Variants in EFNA5 observed in about 807,000 individuals in gnomAD.
EFNA5 encodes the protein ephrin A5, also known as ephrin-A5.
Under a neutral mutation model 22.9 loss-of-function variants are expected in EFNA5, and 5 were observed. The observed-to-expected ratio is 0.22, with a 90% CI of 0.11 to 0.46. EFNA5 has a LOEUF of 0.46. EFNA5 is among the 20% of genes least tolerant of loss of function. EFNA5 has a pLI of 0.99. For synonymous variants in EFNA5, 113 were observed against 112.2 expected (o/e 1.01, Z -0.04); for missense variants, 237 against 293.3 (o/e 0.81, Z 1.40).
intron 1 of EFNA5, among the ~76,000 whole-genome samples, chr5:107,630,840 T>G (rs569211888): frequency 6.6e-6 from 1 of 152,218 alleles, no homozygotes; most frequent in South Asian, 2.1e-4. Flanking sequence ...TCTATCAGCT[T>G]TTTCATGAAA....
intron 1 of EFNA5, among the ~76,000 whole-genome samples, chr5:107,643,531 T>C (rs1750568528): frequency 1.3e-5 from 2 of 152,150 alleles, no homozygotes; most frequent in African/African-American, 4.8e-5. Flanking sequence ...AAGGGTCCCA[T>C]GGTCCCAGCC....
chr5:107,437,290 A>C (rs1749138233), intron 1 of EFNA5, among the ~76,000 whole-genome samples: 1 of 152,236 alleles, frequency 6.6e-6, no homozygotes. Flanking sequence ...GTTTTCATAC[A>C]AAACTGTAGA....
intron 2 of EFNA5, among the ~76,000 whole-genome samples, chr5:107,415,575 A>G (rs1390918064): frequency 6.6e-6 from 1 of 152,062 alleles, no homozygotes. Context: ...GGGCTCCCTG[A>G]CTCCGGTAAT....
At chr5:107,394,816 G>A (rs1417142646) in intron 2 of EFNA5, among the ~76,000 whole-genome samples, 2 of 152,076 alleles carry the variant, frequency 1.3e-5, no homozygotes, top group Admixed American at 6.6e-5. Flanking sequence ...TACTCCAATA[G>A]CACACTAACA....
chr5:107,521,421 T>C (rs1747592971), intron 1 of EFNA5, among the ~76,000 whole-genome samples: 1 of 150,780 alleles, frequency 6.6e-6, no homozygotes, highest in Non-Finnish European at 1.5e-5. Flanking sequence ...GCCTCCTTAG[T>C]AGCTGGGACC....
chr5:107,578,698 C>T (rs530976419), intron 1 of EFNA5, among the ~76,000 whole-genome samples: 2 of 152,280 alleles, frequency 1.3e-5, no homozygotes, highest in African/African-American at 4.8e-5. Flanking sequence ...GACTTTTGTT[C>T]TCCCCAAACA....
intron 1 of EFNA5, among the ~76,000 whole-genome samples, chr5:107,441,416 G>A (rs778977691): frequency 6.6e-6 from 1 of 152,164 alleles, no homozygotes; most frequent in Non-Finnish European, 1.5e-5. Flanking sequence ...GAAGGATAGC[G>A]TCCTATCTGC....
chr5:107,388,095 C>T (rs995515105), intron 2 of EFNA5, among the ~76,000 whole-genome samples: 1 of 152,142 alleles, frequency 6.6e-6, no homozygotes, highest in African/African-American at 2.4e-5. Flanking sequence ...TTCTCTAAAT[C>T]GAGAGGATAA....
Position 107,399,318 on chromosome 5 carries a change from C to CAGAAAGGAAAGGAAAGGAAA in EFNA5, c.419-11548_419-11547insTTTCCTTTCCTTTCCTTTCT, listed in dbSNP as rs1402282845. The stretch of plus-strand genomic sequence containing the variant: ...AGAAGGAAGGAAGGAAGGAAGGAAA[C>CAGAAAGGAAAGGAAAGGAAA]GGAAAGGAAAGGAAAGGAAAGGAAA... On this transcript the variant is annotated intron_variant, in intron 2 of 4. Transcript: ENST00000333274. Among the ~76,000 whole-genome samples the CAGAAAGGAAAGGAAAGGAAA allele has an allele frequency of 6.0e-4, 57 of 94,640 alleles. 1 individual carries two copies. Among genetic ancestry groups the CAGAAAGGAAAGGAAAGGAAA allele is most frequent in the African/African-American group, 2.5e-3 (54 of 22,016 alleles). 62.1% of individuals were successfully genotyped at this position (94,640 alleles called of 152,430 possible). A position where few individuals can be genotyped will look rare whatever the true frequency, so the allele number is the denominator to read the frequency against.
intron 1 of EFNA5, among the ~76,000 whole-genome samples, chr5:107,465,232 C>A (rs544639098): frequency 6.6e-6 from 1 of 152,128 alleles, no homozygotes; most frequent in African/African-American, 2.4e-5. Context: ...CAAGGCCCTG[C>A]GAAGGCCGTC....
intron 2 of EFNA5, among the ~76,000 whole-genome samples, chr5:107,420,916 T>C (rs1334536459): frequency 6.6e-6 from 1 of 152,210 alleles, no homozygotes; most frequent in Non-Finnish European, 1.5e-5. Flanking sequence ...TACGAAAAAC[T>C]ATATTCTGAA....
intron 2 of EFNA5, among the ~76,000 whole-genome samples, chr5:107,396,287 G>A (rs1747922365): frequency 6.6e-6 from 1 of 152,130 alleles, no homozygotes; most frequent in Non-Finnish European, 1.5e-5. Flanking sequence ...GTGGTTTTGA[G>A]CCAGCTGCTT....
chr5:107,520,716 G>A (rs1747578122), intron 1 of EFNA5, among the ~76,000 whole-genome samples: 2 of 152,206 alleles, frequency 1.3e-5, no homozygotes, highest in South Asian at 2.1e-4. Flanking sequence ...TAATTAGCAA[G>A]TTTTCGAGGA....
chr5:107,386,292 C>T (rs926279244), intron 4 of EFNA5, among the ~76,000 whole-genome samples: 4 of 151,844 alleles, frequency 2.6e-5, no homozygotes, highest in African/African-American at 9.7e-5. Context: ...TGGAGCAGGT[C>T]GGGGAGAAGA....
At chr5:107,625,641 T>C (rs1222108627) in intron 1 of EFNA5, among the ~76,000 whole-genome samples, 2 of 152,158 alleles carry the variant, frequency 1.3e-5, no homozygotes, top group Non-Finnish European at 2.9e-5. Context: ...AAAATTAGCT[T>C]ATTCACTGGA....
intron 2 of EFNA5, among the ~76,000 whole-genome samples, chr5:107,421,242 C>A (rs1445577888): frequency 6.6e-6 from 1 of 152,160 alleles, no homozygotes; most frequent in Non-Finnish European, 1.5e-5. Flanking sequence ...TAACCACATA[C>A]ATTTAAGCAT....
At chr5:107,467,784 C>A (rs578086946) in intron 1 of EFNA5, among the ~76,000 whole-genome samples, 16 of 152,272 alleles carry the variant, frequency 1.1e-4, no homozygotes, top group African/African-American at 3.6e-4. Context: ...AATGTTACCA[C>A]GCTGTCTTTC....
chr5:107,420,128 G>A (rs1748615063), intron 2 of EFNA5, among the ~76,000 whole-genome samples: 1 of 152,060 alleles, frequency 6.6e-6, no homozygotes, highest in African/African-American at 2.4e-5. Context: ...GACATCAAGA[G>A]GAATGAAGAA....
At chr5:107,660,811 G>A (rs982878013) in intron 1 of EFNA5, among the ~76,000 whole-genome samples, 5 of 152,156 alleles carry the variant, frequency 3.3e-5, no homozygotes, top group East Asian at 1.9e-4. Flanking sequence ...GGCAGCTTTC[G>A]TTTCCCCATT....
Sources: gnomAD v4.1 joint callset for allele counts (sites outside exome capture counted in the v4.1 genomes callset) on GRCh38, gnomAD v4.1.1 for gene constraint, MANE v1.5 for transcripts, NCBI Gene and HGNC (gene_info 2026-07-23, HGNC 2026-07-21) for gene names.